The following CSMD3 variants were observed in gnomAD, a reference collection of about 807,000 sequenced individuals.
CSMD3 encodes CUB and sushi domain-containing protein 3.
Under a neutral mutation model 435.2 loss-of-function variants are expected in CSMD3, and 177 were observed. That is an observed-to-expected ratio of 0.41 (90% CI 0.36 to 0.46). The LOEUF (loss-of-function observed/expected upper bound fraction) is 0.46. Among genes scored for constraint, CSMD3 ranks in the 20% least tolerant of loss-of-function variants. The pLI, the probability that CSMD3 is intolerant of heterozygous loss-of-function variation, is 0.34. For synonymous variants in CSMD3, 1,656 were observed against 1,520.5 expected, an observed-to-expected ratio of 1.09 and a Z score of -2.07; for missense variants, 4,265 against 4,504.6, an observed-to-expected ratio of 0.95 and a Z score of 1.52.
chr8:113,011,791 A>G (rs2086264397), intron 6 of CSMD3, among the ~76,000 whole-genome samples: 1 of 151,738 alleles, frequency 6.6e-6, no homozygotes, highest in South Asian at 2.1e-4. Context: ...ATGCTATCAG[A>G]AAATTTTTAA....
At chr8:112,618,791 C>G (rs569624397) in intron 22 of CSMD3, among the ~76,000 whole-genome samples, 43 of 152,142 alleles carry the variant, frequency 2.8e-4, no homozygotes, top group African/African-American at 9.9e-4. Context: ...TGAAACCACT[C>G]TATTTATGCC....
intron 1 of CSMD3, among the ~76,000 whole-genome samples, chr8:113,337,717 T>C (rs1354544053): frequency 2.0e-5 from 3 of 152,130 alleles, no homozygotes; most frequent in East Asian, 1.9e-4. Flanking sequence ...TTTGGAGATG[T>C]TGGTAGAGGG....
chr8:112,816,648 T>TA (rs974596368), intron 12 of CSMD3, among the ~76,000 whole-genome samples: 24 of 152,050 alleles, frequency 1.6e-4, no homozygotes, highest in Middle Eastern at 3.4e-3. Flanking sequence ...GCCTAGATTT[T>TA]AAAAAAGAAT....
intron 10 of CSMD3, among the ~76,000 whole-genome samples, chr8:112,862,334 A>T (rs1217759864): frequency 2.0e-5 from 3 of 152,018 alleles, no homozygotes; most frequent in Non-Finnish European, 2.9e-5. Context: ...ATTAGTCTGA[A>T]GATTTTTTTG....
chr8:113,065,379 A>T (rs1298586051), intron 5 of CSMD3, among the ~76,000 whole-genome samples: 2 of 152,010 alleles, frequency 1.3e-5, no homozygotes, highest in Non-Finnish European at 2.9e-5. Context: ...AAACAGCCTC[A>T]TGTTTTTGTT....
chr8:113,332,172 C>A (rs538393144), intron 1 of CSMD3, among the ~76,000 whole-genome samples: 78 of 151,474 alleles, frequency 5.1e-4, no homozygotes, highest in Non-Finnish European at 1.0e-3. Flanking sequence ...AGCATTTAGT[C>A]TAAAAAACGT....
intron 13 of CSMD3, among the ~76,000 whole-genome samples, chr8:112,744,236 A>G (rs1411312745): frequency 6.6e-6 from 1 of 152,066 alleles, no homozygotes; most frequent in African/African-American, 2.4e-5. Flanking sequence ...GCCTAAACTA[A>G]ATCTAAGAAC....
chr8:113,432,486 C>G (rs1013579078), intron 1 of CSMD3, among the ~76,000 whole-genome samples: 4 of 152,234 alleles, frequency 2.6e-5, no homozygotes, highest in Non-Finnish European at 5.9e-5. Context: ...GAGAAGACCA[C>G]TTTGGCTACT....
intron 68 of CSMD3, among the ~76,000 whole-genome samples, chr8:112,232,390 T>G (rs2129910593): frequency 6.6e-6 from 1 of 152,208 alleles, no homozygotes; most frequent in South Asian, 2.1e-4. Flanking sequence ...GGCAAATCAC[T>G]TGAGGTCAGG....
intron 16 of CSMD3, among the ~76,000 whole-genome samples, chr8:112,667,648 A>G (rs1432983443): frequency 6.6e-6 from 1 of 151,662 alleles, no homozygotes. Flanking sequence ...TTGTCTCAGA[A>G]CTCCCCTCCA....
chr8:112,802,030 G>T (rs2132338090), intron 12 of CSMD3, among the ~76,000 whole-genome samples: 1 of 151,940 alleles, frequency 6.6e-6, no homozygotes, highest in East Asian at 1.9e-4. Context: ...AAGCTAAATT[G>T]TTCCCTTACT....
intron 38 of CSMD3, among the ~76,000 whole-genome samples, chr8:112,377,540 A>G (rs1829058586): frequency 6.6e-6 from 1 of 152,116 alleles, no homozygotes; most frequent in Non-Finnish European, 1.5e-5. Flanking sequence ...AAGACACCAC[A>G]AGAAAAGAAA....
intron 27 of CSMD3, chr8:112,539,253 C>T (rs994383575): frequency 1.3e-5 from 2 of 152,558 alleles, no homozygotes; most frequent in African/African-American, 4.8e-5. Flanking sequence ...TGCATACTGG[C>T]TATCATTAAT....
chr8:112,519,720 T>G (rs1428711573), intron 27 of CSMD3, among the ~76,000 whole-genome samples: 1 of 152,206 alleles, frequency 6.6e-6, no homozygotes, highest in Non-Finnish European at 1.5e-5. Context: ...GTGCTATTAT[T>G]ATCCATATTT....
At chr8:112,592,085 GT>G (rs989925549) in intron 22 of CSMD3, among the ~76,000 whole-genome samples, 18 of 151,506 alleles carry the variant, frequency 1.2e-4, no homozygotes, top group African/African-American at 3.9e-4. Flanking sequence ...ATTTGTGTGT[GT>G]TTTTTTTAGC....
At position 112,587,245 on chromosome 8, in the gene CSMD3, A is replaced by T. The variant is rs1178045012; in HGVS notation, c.3716-10T>A. On this transcript the variant is annotated splice_polypyrimidine_tract_variant and intron_variant, in intron 22 of 70. Coordinates refer to ENST00000297405, the MANE Select transcript of CSMD3 (RefSeq NM_198123.2). Reference sequence around the variant, plus strand: ...GATGCACCACATTCAGCTGCAGGTAAAACAGAATATTGAAGTACAGTTTAA... The same window carrying T: ...GATGCACCACATTCAGCTGCAGGTATAACAGAATATTGAAGTACAGTTTAA... 6.2e-7 allele frequency: 1 copy of T among 1,601,004 alleles called. No individual in the cohort carries two copies. The highest frequency in any genetic ancestry group is 8.6e-7 in the Non-Finnish European group (1 of 1,169,422).
At chr8:112,433,453 C>T (rs1813942811) in intron 32 of CSMD3, among the ~76,000 whole-genome samples, 1 of 150,896 alleles carries the variant, frequency 6.6e-6, no homozygotes, top group Non-Finnish European at 1.5e-5. Context: ...GTCAGGAGTT[C>T]AAGACCAGCC....
At chr8:112,265,721 C>G (rs1816882361) in intron 59 of CSMD3, 131 bp from the exon 60 acceptor site, 4 of 743,694 alleles carry the variant, frequency 5.4e-6, no homozygotes, top group Non-Finnish European at 9.6e-6. Context: ...AATCATAAAA[C>G]ATAAACATAT....
At chr8:113,360,872 C>T (rs1478481107) in intron 1 of CSMD3, among the ~76,000 whole-genome samples, 2 of 151,964 alleles carry the variant, frequency 1.3e-5, no homozygotes, top group East Asian at 1.9e-4. Context: ...CGCGCCCGGC[C>T]GTGACTTCAG....
Sources: gnomAD v4.1 joint callset for allele counts (sites outside exome capture counted in the v4.1 genomes callset) on GRCh38, gnomAD v4.1.1 for gene constraint, MANE v1.5 for transcripts, NCBI Gene and HGNC (gene_info 2026-07-23, HGNC 2026-07-21) for gene names.